Variants in ARHGAP44 observed in about 807,000 individuals in gnomAD.
ARHGAP44 encodes the protein Rho GTPase activating protein 44.
In ARHGAP44, 43 loss-of-function variants were observed where a neutral mutation model predicts 106.8. The ratio of observed to expected loss-of-function variants is 0.40; its 90% CI spans 0.32 to 0.52. The LOEUF (loss-of-function observed/expected upper bound fraction) is 0.52, where lower values mean the gene tolerates loss of function less well. ARHGAP44 is among the 20% of genes least tolerant of loss of function. The probability of loss-of-function intolerance (pLI) is 0.48; values close to 1 mark genes in which losing one functional copy is unlikely to be tolerated. For missense variants in ARHGAP44, 866 were observed against 1,050.5 expected, an observed-to-expected ratio of 0.82 and a Z score of 2.43; for synonymous variants, 439 against 410.3, an observed-to-expected ratio of 1.07 and a Z score of -0.85.
chr17:12,862,670 C>G (rs1821153038), intron 1 of ARHGAP44, among the ~76,000 whole-genome samples: 1 of 152,050 alleles, frequency 6.6e-6, no homozygotes. Context: ...ATTATACTTG[C>G]ACGGGATGGC....
intron 16 of ARHGAP44, among the ~76,000 whole-genome samples, chr17:12,966,447 G>T (rs1234806332): frequency 6.6e-6 from 1 of 152,152 alleles, no homozygotes; most frequent in Non-Finnish European, 1.5e-5. Flanking sequence ...AGGTTAAGGT[G>T]CTTCGTCGCT....
At chr17:12,952,719 TC>T in intron 13 of ARHGAP44, 138 bp downstream of exon 13, 3 of 417,162 alleles carry the variant, frequency 7.2e-6, no homozygotes, top group South Asian at 3.4e-5. Context: ...ACATGCATGG[TC>T]TCTTTTTTTT....
chr17:12,896,341 A>G, intron 2 of ARHGAP44, 66 bp from the exon 3 acceptor site: 1 of 1,351,112 alleles, frequency 7.4e-7, no homozygotes, highest in South Asian at 1.3e-5. Context: ...GATTGTCCAC[A>G]CCCACAATCC....
At chr17:12,892,870 CT>C (rs2037089581) in intron 1 of ARHGAP44, among the ~76,000 whole-genome samples, 1 of 148,886 alleles carries the variant, frequency 6.7e-6, no homozygotes, top group Non-Finnish European at 1.5e-5. Context: ...CTTCTATTTT[CT>C]TTCTGAGACT....
At chr17:12,794,936 G>C (rs1043547639) in intron 1 of ARHGAP44, among the ~76,000 whole-genome samples, 3 of 152,200 alleles carry the variant, frequency 2.0e-5, no homozygotes, top group African/African-American at 7.2e-5. Context: ...AGGTATCTCT[G>C]AGACATTGCC....
rs907940301 is a variant in ARHGAP44 at position 12,903,688 on chromosome 17, C to T, written c.199-5209C>T. ...AGTGGTGATTTCTGATATTTTGGTG[C>T]ACCCATCACCTGAGTAGTGTACACT... is the stretch of plus-strand genomic sequence containing the variant. On this transcript the variant is annotated intron_variant, in intron 3 of 20. Transcript: ENST00000379672. Among the ~76,000 whole-genome samples the T allele has an allele frequency of 3.9e-5, 6 of 152,260 alleles. No individual in the cohort carries two copies. In the South Asian group the frequency reaches 8.3e-4, roughly 21 times the overall value.
chr17:12,896,080 A>G lies in ARHGAP44; in HGVS notation c.94-327A>G, dbSNP rs572276906. 1.1e-3 allele frequency among the ~76,000 whole-genome samples: 150 copies of G among 134,152 alleles called. 1 individual carries two copies. The highest frequency in any genetic ancestry group is 4.1e-3 in the African/African-American group (147 of 36,170). 88.0% of individuals were successfully genotyped at this position (134,152 alleles called of 152,430 possible). On this transcript the variant is annotated intron_variant, in intron 2 of 20. Transcript: ENST00000379672. ...AGAACACTTGGACACAGGCTGGGGA[A>G]CATCACACACCAGGGCCTGTCATGG...
At position 12,836,755 on chromosome 17, in the gene ARHGAP44, C is replaced by CA. The variant is rs1340788928; in HGVS notation, c.53+46865dup. On this transcript the variant is annotated intron_variant, in intron 1 of 20. Transcript: ENST00000379672. ...TCCTATGTGTCTACGCACCTGAGAA[C>CA]AGAGGCTCAAAATACATGAAGAAAA... Among the ~76,000 whole-genome samples, 6 of 152,244 alleles carry CA rather than the reference C, an allele frequency of 3.9e-5. No individual in the cohort carries two copies. In the East Asian group the frequency reaches 1.2e-3, roughly 29 times the overall value.
chr17:12,949,122 C>A lies in ARHGAP44; in HGVS notation c.862-18C>A. On this transcript the variant is annotated intron_variant, in intron 10 of 20. Coordinates refer to ENST00000379672, the MANE Select transcript of ARHGAP44 (RefSeq NM_014859.6). The surrounding 1 kb of genome is among the most constrained non-coding windows in gnomAD (Gnocchi z 4.1). ...TACCTTGGAGTTGCTGTGCGCTGAC[C>A]CTCTGTCCTGTTGGTAGGGACTCTT... The A allele has an allele frequency of 6.4e-7, 1 of 1,555,894 alleles. No homozygotes were observed.
chr17:12,911,639 A>G (rs1170417271), intron 4 of ARHGAP44, among the ~76,000 whole-genome samples: 2 of 152,172 alleles, frequency 1.3e-5, no homozygotes, highest in Non-Finnish European at 2.9e-5. Context: ...CTCTGCCCCA[A>G]CCACATGTCT....
chr17:12,824,661 G>A (rs1490303737), intron 1 of ARHGAP44, among the ~76,000 whole-genome samples: 2 of 152,008 alleles, frequency 1.3e-5, no homozygotes, highest in Non-Finnish European at 1.5e-5. Flanking sequence ...GCCATCCCCA[G>A]GATAATAATT....
chr17:12,871,454 C>T (rs1220571644), intron 1 of ARHGAP44, among the ~76,000 whole-genome samples: 1 of 152,124 alleles, frequency 6.6e-6, no homozygotes, highest in Non-Finnish European at 1.5e-5. Flanking sequence ...CTGGGAAGGC[C>T]TCAGGAAACT....
At chr17:12,989,752 G>A (rs1431827208) in intron 20 of ARHGAP44, among the ~76,000 whole-genome samples, 1 of 152,152 alleles carries the variant, frequency 6.6e-6, no homozygotes, top group African/African-American at 2.4e-5. Context: ...AAGAATAAAG[G>A]ACCCTGTGGC....
chr17:12,802,242 A>G (rs1990220), intron 1 of ARHGAP44, among the ~76,000 whole-genome samples: 30,450 of 152,112 alleles, frequency 0.2, 5,332 homozygotes, highest in African/African-American at 0.46. Context: ...GGTTCTCTGG[A>G]TGCAGCAGCA....
intron 8 of ARHGAP44, among the ~76,000 whole-genome samples, chr17:12,941,930 C>T (rs866358400): frequency 1.3e-5 from 2 of 151,950 alleles, no homozygotes; most frequent in East Asian, 1.9e-4. Context: ...GATTTATAAT[C>T]GGGGAAGGAA....
intron 12 of ARHGAP44, among the ~76,000 whole-genome samples, chr17:12,951,772 AC>A (rs1192395091): frequency 6.6e-6 from 1 of 152,114 alleles, no homozygotes; most frequent in Non-Finnish European, 1.5e-5. Flanking sequence ...GTGATTTCCA[AC>A]CCTCTGTGTG....
intron 10 of ARHGAP44, 70 bp downstream of exon 10, chr17:12,944,266 C>T (rs2038788744): frequency 1.3e-6 from 2 of 1,514,786 alleles, no homozygotes; most frequent in Non-Finnish European, 8.8e-7. Flanking sequence ...CTTACAGGAT[C>T]CTCTCTCCTG....
chr17:12,943,455 T>G, intron 8 of ARHGAP44, 133 bp from the exon 9 acceptor site: 1 of 712,000 alleles, frequency 1.4e-6, no homozygotes, highest in Non-Finnish European at 2.5e-6. Context: ...TTATTTTAGG[T>G]AGATTGGAGG....
At chr17:12,801,953 GTATTT>G (rs1318724786) in intron 1 of ARHGAP44, among the ~76,000 whole-genome samples, 1 of 152,030 alleles carries the variant, frequency 6.6e-6, no homozygotes, top group Non-Finnish European at 1.5e-5. Flanking sequence ...TCTTAGAATG[GTATTT>G]TATTTTAACT....
Sources: gnomAD v4.1 joint callset for allele counts (sites outside exome capture counted in the v4.1 genomes callset) on GRCh38, gnomAD v4.1.1 for gene constraint, Gnocchi (gnomAD v3.1) non-coding constraint, MANE v1.5 for transcripts, NCBI Gene and HGNC (gene_info 2026-07-23, HGNC 2026-07-21) for gene names.